The following MPEG1 variants were observed in gnomAD, a reference collection of about 807,000 sequenced individuals.
The protein encoded by MPEG1 is macrophage-expressed gene 1 protein.
For missense variants in MPEG1, 876 were observed against 880.3 expected, an observed-to-expected ratio of 1.00 and a Z score of 0.06; for synonymous variants, 365 against 351.9, an observed-to-expected ratio of 1.04 and a Z score of -0.42.
Position 59,210,529 on chromosome 11 carries a change from A to G in MPEG1, c.*186T>C. On this transcript the variant is annotated 3_prime_UTR_variant, in exon 1 of 1. Coordinates refer to ENST00000361050, the MANE Select transcript of MPEG1 (RefSeq NM_001039396.2). ...CAGAATCACTTTTGCTTCTAGTCCC[A>G]ACTGTTCCCTCTCCCCAATCCCAAC... 1 of 603,552 alleles carries G rather than the reference A, an allele frequency of 1.7e-6. No homozygotes were observed. The highest frequency in any genetic ancestry group is 2.9e-6 in the Non-Finnish European group (1 of 343,184). 37.4% of individuals were successfully genotyped at this position (603,552 alleles called of 1,614,324 possible).
Position 59,211,660 on chromosome 11 carries a change from C to T in MPEG1, c.1206G>A (p.Gln402=), listed in dbSNP as rs1258104589. ...AGAAATCACCAGTGAGTGGATTCTT[C>T]TGCTCCAACTTTTGGCAGAGGAGGA... ...RDVLLCQKLE[Q]KNPLTGDFSC... The change falls in exon 1 of 1, where the codon CAG becomes CAA. Residue 402 remains glutamine (Q), a synonymous_variant. Transcript: ENST00000361050. 3.7e-6 allele frequency: 6 copies of T among 1,614,050 alleles called. No individual in the cohort carries two copies. In the African/African-American group the frequency reaches 5.3e-5, roughly 14 times the overall value.
In MPEG1 at chr11:59,212,812, T is replaced by G; in HGVS notation, c.54A>C (p.Lys18Asn). ...CCATCTCTCCCGAAGGCTTGCCTGA[T>G]TTAGCCCATGCTGCCGCTGCCCAGA... ...ILFWAAAAWAKSGKPSGEMDE... is the reference protein window; with the variant it reads ...ILFWAAAAWANSGKPSGEMDE... Residue 18 changes from lysine to asparagine, a missense_variant, in exon 1 of 1, where the codon AAA (lysine) becomes AAC (asparagine). Transcript: ENST00000361050. 6.2e-7 allele frequency: 1 copy of G among 1,614,238 alleles called. No homozygotes were observed. The highest frequency in any genetic ancestry group is 8.5e-7 in the Non-Finnish European group (1 of 1,180,036).
chr11:59,212,342 A>G lies in MPEG1; in HGVS notation c.524T>C (p.Leu175Pro), dbSNP rs772163612. 6 of 1,613,990 alleles carry G rather than the reference A, an allele frequency of 3.7e-6. No individual in the cohort carries two copies. The highest frequency in any genetic ancestry group is 5.1e-6 in the Non-Finnish European group (6 of 1,180,056). Reference sequence around the variant, plus strand: ...CTCTAGACGGTCAGAGATGTCAAGGAGTTCCTTCCTAAAACCTGAGCTTAG... The same window carrying G: ...CTCTAGACGGTCAGAGATGTCAAGGGGTTCCTTCCTAAAACCTGAGCTTAG... ...LELSSGFRKE[L>P]LDISDRLENN... Residue 175 changes from leucine (L) to proline (P), a missense_variant, in exon 1 of 1, where the codon CTC becomes CCC. By Grantham distance (98) the Leu-to-Pro change is moderately conservative (BLOSUM62 -3). Coordinates refer to ENST00000361050, the MANE Select transcript of MPEG1 (RefSeq NM_001039396.2).
Position 59,212,825 on chromosome 11 carries a change from G to A in MPEG1, c.41C>T (p.Ala14Val), listed in dbSNP as rs776166917. 1 of 1,614,190 alleles carries A rather than the reference G, an allele frequency of 6.2e-7. No homozygotes were observed. Among genetic ancestry groups the A allele is most frequent in the East Asian group, 2.2e-5 (1 of 44,882 alleles). ...AGGCTTGCCTGATTTAGCCCATGCT[G>A]CCGCTGCCCAGAAGAGGATGGTGGC... ...FRATILFWAA[A>V]AWAKSGKPSG... The change falls in exon 1 of 1, where the codon GCA (alanine) becomes GTA (valine). Residue 14 changes from alanine (A) to valine (V), a missense_variant. Physicochemically the swap from Ala to Val is moderately conservative, Grantham distance 64 (BLOSUM62 0). Transcript: ENST00000361050.
Position 59,211,682 on chromosome 11 carries a change from A to T in MPEG1, c.1184T>A (p.Leu395His). 1 of 1,614,184 alleles carries T rather than the reference A, an allele frequency of 6.2e-7. No homozygotes were observed. The highest frequency in any genetic ancestry group is 1.1e-5 in the South Asian group (1 of 91,072). The change falls in exon 1 of 1, where the codon CTC (leucine) becomes CAC (histidine). Residue 395 changes from leucine (L) to histidine (H), a missense_variant. Transcript: ENST00000361050. ...CTTCTGCTCCAACTTTTGGCAGAGG[A>T]GGACATCCCTATTCCCTGAGAGCTG... ...CTQLSGNRDVLLCQKLEQKNP... is the reference protein window; with the variant it reads ...CTQLSGNRDVHLCQKLEQKNP...
In MPEG1 at chr11:59,209,900, A is replaced by C. The variant is rs1862867454; in HGVS notation, c.*815T>G. On this transcript the variant is annotated 3_prime_UTR_variant, in exon 1 of 1. Coordinates refer to ENST00000361050, the MANE Select transcript of MPEG1 (RefSeq NM_001039396.2). ...TGTGTGTGTGTGTGTGTGTTCATAT[A>C]ACAGGAGGACAGGAAAGGTAATGAC... The C allele has an allele frequency of 6.7e-6, 1 of 150,086 alleles. No homozygotes were observed. The highest frequency in any genetic ancestry group is 2.5e-5 in the African/African-American group (1 of 40,660). The allele number at this position is 150,086 out of a possible 1,614,324, so 9.3% of individuals were successfully genotyped here. A position where few individuals can be genotyped will look rare whatever the true frequency, so the allele number is the denominator to read the frequency against.
Position 59,212,564 on chromosome 11 carries a change from A to T in MPEG1, c.302T>A (p.Leu101Gln), listed in dbSNP as rs1862910436. ...QSNLEMNSEILESWANYQSST... is the reference protein window; with the variant it reads ...QSNLEMNSEIQESWANYQSST... The stretch of plus-strand genomic sequence containing the variant: ...ACTCTGGTAATTTGCCCAGGATTCC[A>T]GGATTTCTGAGTTCATCTCCAGGTT... The change falls in exon 1 of 1, where the codon CTG becomes CAG. Residue 101 changes from leucine (L) to glutamine (Q), a missense_variant. Transcript: ENST00000361050. The T allele has an allele frequency of 1.9e-6, 3 of 1,614,120 alleles. No homozygotes were observed. In the South Asian group the frequency reaches 3.3e-5, roughly 18 times the overall value.
In MPEG1 at chr11:59,212,416, A is replaced by G. The variant is rs778182657; in HGVS notation, c.450T>C (p.Val150=). 28 of 1,613,920 alleles carry G rather than the reference A, an allele frequency of 1.7e-5. No individual in the cohort carries two copies. Among genetic ancestry groups the G allele is most frequent in the Admixed American group, 5.0e-5 (3 of 59,990 alleles). ...QVKDQAITTR[V]QVRNLVYTVK... is the part of the protein sequence containing the mutation. ...CTGTGTAGACGAGGTTTCTTACCTG[A>G]ACTCGGGTAGTTATAGCTTGGTCCT... is the stretch of plus-strand genomic sequence containing the variant. Residue 150 remains valine, a synonymous_variant, in exon 1 of 1, where the codon GTT becomes GTC. Coordinates refer to ENST00000361050, the MANE Select transcript of MPEG1 (RefSeq NM_001039396.2).
In MPEG1 at chr11:59,211,630, G is replaced by A. The variant is rs772422796; in HGVS notation, c.1236C>T (p.Cys412=). The A allele has an allele frequency of 1.1e-5, 17 of 1,614,074 alleles. No individual in the cohort carries two copies. Among genetic ancestry groups the A allele is most frequent in the Non-Finnish European group, 1.2e-5 (14 of 1,180,046 alleles). The part of the protein sequence containing the change: ...QKNPLTGDFS[C]PSGYSPVHLL... ...GGTGCACCGGGGAGTAGCCAGAGGG[G>A]CAGGAGAAATCACCAGTGAGTGGAT... is the stretch of plus-strand genomic sequence containing the variant. The change falls in exon 1 of 1, where the codon TGC becomes TGT. Residue 412 remains cysteine (C), a synonymous_variant. Coordinates refer to ENST00000361050, the MANE Select transcript of MPEG1 (RefSeq NM_001039396.2).
In MPEG1 at chr11:59,211,039, A is replaced by G. The variant is rs1308471216; in HGVS notation, c.1827T>C (p.Thr609=). The G allele has an allele frequency of 1.9e-6, 3 of 1,614,022 alleles. No homozygotes were observed. In the Admixed American group the frequency reaches 5.0e-5, roughly 27 times the overall value. The change falls in exon 1 of 1, where the codon ACT becomes ACC. Residue 609 remains threonine, a synonymous_variant. Coordinates refer to ENST00000361050, the MANE Select transcript of MPEG1 (RefSeq NM_001039396.2). ...PPLMSQAATN[T]VIVTNSENAR... ...CATTCTCAGAATTGGTCACTATGAC[A>G]GTATTGGTGGCAGCCTGACTCATGA...
rs1862910187 is a variant in MPEG1, at chr11:59,212,549, T to C, written c.317A>G (p.Asn106Ser). Residue 106 changes from asparagine (N) to serine (S), a missense_variant, in exon 1 of 1, where the codon AAT (asparagine) becomes AGT (serine). Coordinates refer to ENST00000361050, the MANE Select transcript of MPEG1 (RefSeq NM_001039396.2). ...MNSEILESWA[N>S]YQSSTSYSIN... is the part of the protein sequence containing the mutation. ...GGAGTAGGAGGTGCTACTCTGGTAA[T>C]TTGCCCAGGATTCCAGGATTTCTGA... 2.5e-6 allele frequency: 4 copies of C among 1,614,176 alleles called. No individual in the cohort carries two copies. The highest frequency in any genetic ancestry group is 1.3e-5 in the African/African-American group (1 of 75,028).
rs1301460955 is a variant in MPEG1 at position 59,212,110 on chromosome 11, A to G, written c.756T>C (p.Phe252=). ...CATTCTGCGAGGTATAGTTTTCCTCAAATTTGAAGTTCACGGTGTTTTGAA... is the reference window on the plus strand; with the variant it reads ...CATTCTGCGAGGTATAGTTTTCCTCGAATTTGAAGTTCACGGTGTTTTGAA... The part of the protein sequence containing the change: ...LAFQNTVNFK[F]EENYTSQNVL... Residue 252 remains phenylalanine, a synonymous_variant, in exon 1 of 1, where the codon TTT becomes TTC. Coordinates refer to ENST00000361050, the MANE Select transcript of MPEG1 (RefSeq NM_001039396.2). 6.2e-7 allele frequency: 1 copy of G among 1,614,150 alleles called. No individual in the cohort carries two copies. The highest frequency in any genetic ancestry group is 8.5e-7 in the Non-Finnish European group (1 of 1,180,024).
At position 59,211,083 on chromosome 11, in the gene MPEG1, G is replaced by A. The variant is rs756546561; in HGVS notation, c.1783C>T (p.Pro595Ser). Residue 595 changes from proline to serine, a missense_variant, in exon 1 of 1, where the codon CCT becomes TCT. By Grantham distance (74) the Pro-to-Ser change is moderately conservative. Coordinates refer to ENST00000361050, the MANE Select transcript of MPEG1 (RefSeq NM_001039396.2). The stretch of plus-strand genomic sequence containing the variant: ...CTCATGAGGGGTGGCCGGGTGAAAG[G>A]TGGGAGCCTGGCAGGGGGCAGGGAC... ...GGSLPPARLP[P>S]FTRPPLMSQA... 6 of 1,614,192 alleles carry A rather than the reference G, an allele frequency of 3.7e-6. No homozygotes were observed. In the South Asian group the frequency reaches 4.4e-5, roughly 12 times the overall value.
Position 59,211,336 on chromosome 11 carries a change from G to C in MPEG1, c.1530C>G (p.Leu510=), listed in dbSNP as rs1200070298. ...CATAGTCCTGAGAAACACATACCTT[G>C]AGGTTTTCAAAGAGTCTCAGTGGAA... The part of the protein sequence containing the change: ...GYFPLRLFEN[L]KVCVSQDYEL... The change falls in exon 1 of 1, where the codon CTC becomes CTG. Residue 510 remains leucine (L), a synonymous_variant. Transcript: ENST00000361050. 9 of 1,614,210 alleles carry C rather than the reference G, an allele frequency of 5.6e-6. No homozygotes were observed. Among genetic ancestry groups the C allele is most frequent in the Non-Finnish European group, 7.6e-6 (9 of 1,180,034 alleles).
Position 59,212,498 on chromosome 11 carries a change from G to A in MPEG1, c.368C>T (p.Ser123Phe), listed in dbSNP as rs1862909274. 6.2e-7 allele frequency: 1 copy of A among 1,614,038 alleles called. No homozygotes were observed. The highest frequency in any genetic ancestry group is 1.3e-5 in the African/African-American group (1 of 74,992). The stretch of plus-strand genomic sequence containing the variant: ...AGTGGAAAACTTGCCATTGACTTTG[G>A]AAAAAAGAGAGAGTTCTGTGTTGAT... Reference protein sequence around the residue: ...YSINTELSLFSKVNGKFSTEF... With the variant: ...YSINTELSLFFKVNGKFSTEF... Residue 123 changes from serine (S) to phenylalanine (F), a missense_variant, in exon 1 of 1, where the codon TCC becomes TTC. By Grantham distance (155) the Ser-to-Phe change is radical. Transcript: ENST00000361050.
In MPEG1 at chr11:59,211,833, T is replaced by C; in HGVS notation, c.1033A>G (p.Asn345Asp). 2 of 1,614,180 alleles carry C rather than the reference T, an allele frequency of 1.2e-6. No homozygotes were observed. Among genetic ancestry groups the C allele is most frequent in the South Asian group, 1.1e-5 (1 of 91,086 alleles). ...AGATCTGTGCAGCCAGGGTAGGTGT[T>C]GAATGTATAATAGCGCTTCACAGCA... ...ETAVKRYYTF[N>D]TYPGCTDLNS... Residue 345 changes from asparagine (N) to aspartate (D), a missense_variant, in exon 1 of 1, where the codon AAC becomes GAC. Transcript: ENST00000361050.
At position 59,212,906 on chromosome 11, in the gene MPEG1, G is replaced by T; in HGVS notation, c.-41C>A. On this transcript the variant is annotated 5_prime_UTR_variant, in exon 1 of 1. Transcript: ENST00000361050. ...AGCCACTCACCAGCCCTACACAGCG[G>T]CCAGCAAGCTTTGGGCAAACTAAGA... The T allele has an allele frequency of 1.9e-6, 3 of 1,552,070 alleles. No homozygotes were observed. Among genetic ancestry groups the T allele is most frequent in the East Asian group, 2.3e-5 (1 of 44,362 alleles).
chr11:59,210,559 T>C lies in MPEG1; in HGVS notation c.*156A>G. The stretch of plus-strand genomic sequence containing the variant: ...TTCCCTCTCCCCAATCCCAACCTTA[T>C]CCATGTAACAGTATGAATTTCCTGG... On this transcript the variant is annotated 3_prime_UTR_variant, in exon 1 of 1. Coordinates refer to ENST00000361050, the MANE Select transcript of MPEG1 (RefSeq NM_001039396.2). The C allele has an allele frequency of 4.5e-6, 3 of 667,854 alleles. No homozygotes were observed. The South Asian group carries it at 5.9e-5, about 13-fold the overall frequency. 41.4% of individuals were successfully genotyped at this position (667,854 alleles called of 1,614,324 possible). A position where few individuals can be genotyped will look rare whatever the true frequency, so the allele number is the denominator to read the frequency against.
At position 59,212,867 on chromosome 11, in the gene MPEG1, G is replaced by T. The variant is rs942583753; in HGVS notation, c.-2C>A. The T allele has an allele frequency of 6.2e-7, 1 of 1,611,048 alleles. No individual in the cohort carries two copies. Among genetic ancestry groups the T allele is most frequent in the African/African-American group, 1.3e-5 (1 of 74,986 alleles). ...GATGGTGGCCCTGAAGTTGTTCATG[G>T]CTCAGACAGCCCCAGCCACTCACCA... On this transcript the variant is annotated 5_prime_UTR_variant, in exon 1 of 1. Coordinates refer to ENST00000361050, the MANE Select transcript of MPEG1 (RefSeq NM_001039396.2).
Sources: allele counts gnomAD v4.1 joint callset, GRCh38; gene constraint gnomAD v4.1.1; transcripts MANE v1.5; gene names NCBI Gene and HGNC (gene_info 2026-07-23, HGNC 2026-07-21).